ZNF385D: variants seen among roughly 807,000 people sequenced by gnomAD.
ZNF385D encodes zinc finger protein 659.
In ZNF385D, 15 loss-of-function variants were observed where a neutral mutation model predicts 35.8. That is an observed-to-expected ratio of 0.42 (90% confidence interval 0.28 to 0.64). The LOEUF (loss-of-function observed/expected upper bound fraction) is 0.64, where lower values mean the gene tolerates loss of function less well. Ranked by LOEUF, ZNF385D falls within the 30% of genes least tolerant of loss-of-function variation. The pLI, the probability that ZNF385D is intolerant of heterozygous loss-of-function variation, is 0.23. For synonymous variants in ZNF385D, 212 were observed against 186.8 expected (o/e 1.13, Z -1.10); for missense variants, 474 against 494.6 (o/e 0.96, Z 0.39).
At chr3:21,422,243 G>A (rs1575115253) in intron 7 of ZNF385D, among the ~76,000 whole-genome samples, 1 of 152,208 alleles carries the variant, frequency 6.6e-6, no homozygotes, top group African/African-American at 2.4e-5. Flanking sequence ...CTGCATCTGT[G>A]CTGGACAGAG....
chr3:21,712,670 T>C (rs1227068729), intron 1 of ZNF385D, among the ~76,000 whole-genome samples: 3 of 152,222 alleles, frequency 2.0e-5, no homozygotes, highest in Non-Finnish European at 2.9e-5. Flanking sequence ...GAATCGTTCC[T>C]ATGAAGAATA....
At chr3:21,997,969 T>C (rs145705770) in intron 3 of ZNF385D, among the ~76,000 whole-genome samples, 2 of 151,734 alleles carry the variant, frequency 1.3e-5, no homozygotes, top group Admixed American at 6.6e-5. Context: ...AAGACTTGTT[T>C]TGATAACCCT....
At chr3:21,566,904 T>G (rs58525325) in intron 2 of ZNF385D, among the ~76,000 whole-genome samples, 2,108 of 152,256 alleles carry the variant, frequency 0.014, 50 homozygotes, top group African/African-American at 0.048. Context: ...TTTTTCCATT[T>G]CTGTCTCAGT....
At chr3:21,852,513 G>A (rs7649305) in intron 3 of ZNF385D, among the ~76,000 whole-genome samples, 5,818 of 151,886 alleles carry the variant, frequency 0.038, 383 homozygotes, top group African/African-American at 0.13. Context: ...TCAGGAACAC[G>A]ATGAATATCA....
chr3:22,283,443 C>A (rs1228121941), intron 2 of ZNF385D, among the ~76,000 whole-genome samples: 1 of 152,148 alleles, frequency 6.6e-6, no homozygotes, highest in Non-Finnish European at 1.5e-5. Flanking sequence ...CACAAATCTT[C>A]AAGTCAGATA....
intron 3 of ZNF385D, among the ~76,000 whole-genome samples, chr3:21,773,735 A>T (rs1402999992): frequency 2.0e-5 from 3 of 149,710 alleles, no homozygotes. Context: ...ATCTCATGCC[A>T]GTCAGAATGG....
At position 22,143,195 on chromosome 3, in the gene ZNF385D, G is replaced by T. The variant is rs564964948; in HGVS notation, c.325+25622C>A. 7.9e-5 allele frequency among the ~76,000 whole-genome samples: 12 copies of T among 151,424 alleles called. No individual in the cohort carries two copies. The South Asian group carries it at 2.5e-3, about 32-fold the overall frequency. ...CCTCCCAAGTTCACTCCATTCTCCT[G>T]CCTCAGCCTCCGGAGTAGCAGCGAC... On this transcript the variant is annotated intron_variant, in intron 3 of 5. Coordinates refer to the ZNF385D transcript ENST00000494108.
At chr3:22,346,970 C>T (rs1006541777) in intron 2 of ZNF385D, among the ~76,000 whole-genome samples, 1 of 152,150 alleles carries the variant, frequency 6.6e-6, no homozygotes, top group Non-Finnish European at 1.5e-5. Context: ...AGACAAGTAT[C>T]CACCTAAGTA....
At chr3:21,695,915 A>C (rs2125362789) in intron 1 of ZNF385D, among the ~76,000 whole-genome samples, 1 of 152,296 alleles carries the variant, frequency 6.6e-6, no homozygotes, top group Non-Finnish European at 1.5e-5. Context: ...AATTATAAAG[A>C]TAATTGCCAT....
intron 2 of ZNF385D, among the ~76,000 whole-genome samples, chr3:22,253,642 A>G (rs1700170229): frequency 6.6e-6 from 1 of 151,986 alleles, no homozygotes; most frequent in South Asian, 2.1e-4. Flanking sequence ...GTTTAATGCA[A>G]TTTAATTTGA....
At chr3:21,738,623 G>A (rs1261996533) in intron 1 of ZNF385D, among the ~76,000 whole-genome samples, 1 of 152,136 alleles carries the variant, frequency 6.6e-6, no homozygotes, top group Non-Finnish European at 1.5e-5. Flanking sequence ...GGGTTTTAAT[G>A]TTTGAGTATT....
At chr3:22,216,158 A>C (rs369533255) in intron 2 of ZNF385D, among the ~76,000 whole-genome samples, 3 of 152,046 alleles carry the variant, frequency 2.0e-5, no homozygotes, top group Non-Finnish European at 4.4e-5. Context: ...ATATTTCAGG[A>C]AAGTCTGACT....
At chr3:22,097,061 A>G (rs1271436245) in intron 3 of ZNF385D, among the ~76,000 whole-genome samples, 1 of 152,058 alleles carries the variant, frequency 6.6e-6, no homozygotes, top group East Asian at 1.9e-4. Context: ...AAGTGACTGC[A>G]TTATCTTGTC....
chr3:21,460,896 T>C (rs924282196), intron 4 of ZNF385D, among the ~76,000 whole-genome samples: 3 of 152,160 alleles, frequency 2.0e-5, no homozygotes, highest in Admixed American at 2.0e-4. Context: ...ATTAAGTTGT[T>C]TACCTTAATA....
intron 3 of ZNF385D, among the ~76,000 whole-genome samples, chr3:21,945,511 A>T (rs1287718214): frequency 1.3e-5 from 2 of 152,246 alleles, no homozygotes; most frequent in Non-Finnish European, 2.9e-5. Context: ...AAACAAAAAT[A>T]ATAATGCCTA....
At chr3:22,134,754 G>A (rs1704004666) in intron 3 of ZNF385D, among the ~76,000 whole-genome samples, 3 of 152,028 alleles carry the variant, frequency 2.0e-5, no homozygotes, top group Non-Finnish European at 4.4e-5. Context: ...AGCTGGCAAG[G>A]GCCTCCCTGT....
intron 4 of ZNF385D, among the ~76,000 whole-genome samples, chr3:21,488,248 G>T (rs142656213): frequency 9.4e-4 from 143 of 151,830 alleles, no homozygotes; most frequent in Admixed American, 7.4e-3. Flanking sequence ...TTCTAATCTT[G>T]CAGTAAAGGC....
At chr3:22,294,820 T>A in intron 2 of ZNF385D, among the ~76,000 whole-genome samples, 1 of 152,192 alleles carries the variant, frequency 6.6e-6, no homozygotes, top group East Asian at 1.9e-4. Flanking sequence ...TTGCATTTTA[T>A]AACAAAGTTA....
At chr3:21,589,624 A>T (rs1212004736) in intron 2 of ZNF385D, among the ~76,000 whole-genome samples, 1 of 152,184 alleles carries the variant, frequency 6.6e-6, no homozygotes, top group Admixed American at 6.5e-5. Flanking sequence ...TACAAATATG[A>T]CAAAGGATTA....
Sources: gnomAD v4.1 joint callset for allele counts (sites outside exome capture counted in the v4.1 genomes callset) on GRCh38, gnomAD v4.1.1 for gene constraint, MANE v1.5 for transcripts, NCBI Gene and HGNC (gene_info 2026-07-23, HGNC 2026-07-21) for gene names.